NAV2: variants seen among roughly 807,000 people sequenced by gnomAD.
The protein encoded by NAV2 is neuron navigator 2.
A neutral mutation model predicts 223.2 loss-of-function variants in NAV2; 54 were observed. The ratio of observed to expected loss-of-function variants is 0.24; its 90% CI spans 0.19 to 0.30. The LOEUF (loss-of-function observed/expected upper bound fraction) is 0.30. NAV2 is among the 10% of genes least tolerant of loss of function. NAV2 has a pLI of 1.00. For missense variants in NAV2, 2,806 were observed against 3,147.5 expected (o/e 0.89, Z 2.60); for synonymous variants, 1,279 against 1,239.3 (o/e 1.03, Z -0.67).
At chr11:19,445,751 ATTTT>A (rs11312196) in intron 1 of NAV2, among the ~76,000 whole-genome samples, 12 of 134,956 alleles carry the variant, frequency 8.9e-5, no homozygotes, top group African/African-American at 2.8e-4. Flanking sequence ...TGGGCCTCTG[ATTTT>A]TTTTTTTTTT....
intron 1 of NAV2, among the ~76,000 whole-genome samples, chr11:19,535,881 G>A (rs1183307454): frequency 6.6e-5 from 10 of 152,174 alleles, no homozygotes; most frequent in Admixed American, 2.6e-4. Context: ...CCTTCTGGGT[G>A]TAGATCTTTT....
chr11:19,539,485 T>A lies in NAV2; in HGVS notation c.75+188458T>A, dbSNP rs554035689. ...TTATTCTAATTATATTTAATATTAA[T>A]CTTATTTCATTGTAAGAATGTATAC... On this transcript the variant is annotated intron_variant, in intron 1 of 37. Coordinates refer to the NAV2 transcript ENST00000360655. Among the ~76,000 whole-genome samples, 10 of 152,348 alleles carry A rather than the reference T, an allele frequency of 6.6e-5. No homozygotes were observed. In the South Asian group the frequency reaches 2.1e-3, roughly 32 times the overall value.
chr11:19,805,413 G>A (rs1244858662), intron 1 of NAV2, among the ~76,000 whole-genome samples: 1 of 149,574 alleles, frequency 6.7e-6, no homozygotes, highest in Non-Finnish European at 1.5e-5. Context: ...AGAATTTTGA[G>A]ATGGGGGTTT....
At chr11:19,548,230 A>G (rs1303537914) in intron 1 of NAV2, among the ~76,000 whole-genome samples, 1 of 152,248 alleles carries the variant, frequency 6.6e-6, no homozygotes, top group Non-Finnish European at 1.5e-5. Context: ...GGGCATAACA[A>G]TGAAAGCAAA....
At chr11:19,753,131 T>G (rs111895576) in intron 1 of NAV2, among the ~76,000 whole-genome samples, 66 of 152,294 alleles carry the variant, frequency 4.3e-4, no homozygotes, top group African/African-American at 1.5e-3. Flanking sequence ...CCTCCAGAAC[T>G]GAGAAATGAA....
At chr11:19,379,205 G>T (rs1210211775) in intron 1 of NAV2, among the ~76,000 whole-genome samples, 1 of 152,134 alleles carries the variant, frequency 6.6e-6, no homozygotes, top group African/African-American at 2.4e-5. Context: ...TGTGGCTCAG[G>T]GTCAGACAGA....
intron 1 of NAV2, among the ~76,000 whole-genome samples, chr11:19,418,671 GT>G (rs751568935): frequency 1.3e-5 from 2 of 152,162 alleles, no homozygotes; most frequent in Non-Finnish European, 2.9e-5. Flanking sequence ...TTGAGACGGG[GT>G]TGGAAAAAGA....
At chr11:20,100,546 GGTGTGTGTGTGTGTGTGTGT>G (rs59857072) in intron 31 of NAV2, among the ~76,000 whole-genome samples, 11 of 141,764 alleles carry the variant, frequency 7.8e-5, no homozygotes, top group South Asian at 2.3e-4. Flanking sequence ...ATACTAGAGG[GGTGTGTGTGTGTGTGTGTGT>G]GTGTGTGTGT....
At chr11:19,675,691 T>C (rs2048694659) in intron 1 of NAV2, among the ~76,000 whole-genome samples, 2 of 152,172 alleles carry the variant, frequency 1.3e-5, no homozygotes, top group Non-Finnish European at 2.9e-5. Context: ...GTGTGTGAGC[T>C]GTGGAGTGTA....
intron 1 of NAV2, among the ~76,000 whole-genome samples, chr11:19,476,206 C>T (rs1462376603): frequency 3.3e-5 from 5 of 152,196 alleles, no homozygotes; most frequent in African/African-American, 1.2e-4. Context: ...ATCTCTTGAC[C>T]TTGTGATCCA....
chr11:19,776,632 A>ATGTGTG (rs71050685), intron 1 of NAV2, among the ~76,000 whole-genome samples: 10,293 of 64,542 alleles, frequency 0.16, 1,498 homozygotes, highest in Non-Finnish European at 0.2. Context: ...GGGTCAGAAA[A>ATGTGTG]TGTGTGTGTG....
intron 1 of NAV2, among the ~76,000 whole-genome samples, chr11:19,360,461 C>G (rs2133781292): frequency 6.6e-6 from 1 of 152,290 alleles, no homozygotes; most frequent in African/African-American, 2.4e-5. Flanking sequence ...GAAATTTTTG[C>G]TTTTATTGCA....
At chr11:19,352,859 T>C (rs553651923) in intron 1 of NAV2, among the ~76,000 whole-genome samples, 4 of 152,304 alleles carry the variant, frequency 2.6e-5, no homozygotes, top group African/African-American at 9.6e-5. Flanking sequence ...CTTCTAGAAA[T>C]ACCGCCACTG....
In NAV2 at chr11:20,049,144, C is replaced by T. The variant is rs754643019; in HGVS notation, c.4319C>T (p.Ser1440Phe). Reference sequence around the variant, plus strand: ...CTCATCGCCTCCTCCAAGGACGACTCCTTGACTCCCTTTGTCAGAACTAAC... The same window carrying T: ...CTCATCGCCTCCTCCAAGGACGACTTCTTGACTCCCTTTGTCAGAACTAAC... ...TGLIASSKDD[S>F]LTPFVRTNSV... The change falls in exon 15 of 38, where the codon TCC (serine) becomes TTC (phenylalanine). Residue 1440 changes from serine (S) to phenylalanine (F), a missense_variant. Transcript: ENST00000349880. 4 of 1,612,674 alleles carry T rather than the reference C, an allele frequency of 2.5e-6. No homozygotes were observed. In the Admixed American group the frequency reaches 6.7e-5, roughly 27 times the overall value.
chr11:19,616,341 C>T (rs1313229557), intron 1 of NAV2, among the ~76,000 whole-genome samples: 12 of 100,552 alleles, frequency 1.2e-4, no homozygotes, highest in Non-Finnish European at 1.5e-4. Flanking sequence ...TGTGTGCGCG[C>T]GCATGATCTG....
intron 1 of NAV2, among the ~76,000 whole-genome samples, chr11:19,639,908 C>T (rs1473755609): frequency 1.3e-5 from 2 of 152,164 alleles, no homozygotes; most frequent in Admixed American, 1.3e-4. Flanking sequence ...CTATCTAAGG[C>T]CTGGTTGGCA....
At chr11:19,825,110 G>A (rs1590747620) in intron 1 of NAV2, among the ~76,000 whole-genome samples, 1 of 151,706 alleles carries the variant, frequency 6.6e-6, no homozygotes, top group East Asian at 1.9e-4. Flanking sequence ...AGGCCAACAT[G>A]GTGAAACCCC....
In NAV2 at chr11:19,622,534, C is replaced by A. The variant is rs541302302; in HGVS notation, c.76-209950C>A. On this transcript the variant is annotated intron_variant, in intron 1 of 37. Coordinates refer to the NAV2 transcript ENST00000360655. ...AATGGCCTTCCTTGTCTCTTTTGAT[C>A]TTTGTTGGTTTAAAGTCTGTTTTAT... is the stretch of plus-strand genomic sequence containing the variant. 3.3e-5 allele frequency among the ~76,000 whole-genome samples: 5 copies of A among 152,244 alleles called. No homozygotes were observed. In the South Asian group the frequency reaches 1.0e-3, roughly 32 times the overall value.
At chr11:19,828,487 A>G (rs975144488) in intron 1 of NAV2, among the ~76,000 whole-genome samples, 2 of 152,090 alleles carry the variant, frequency 1.3e-5, no homozygotes, top group Admixed American at 6.6e-5. Flanking sequence ...TACGTTTTCA[A>G]GGTTCATTCA....
Sources: gnomAD v4.1 joint callset for allele counts (sites outside exome capture counted in the v4.1 genomes callset) on GRCh38, gnomAD v4.1.1 for gene constraint, MANE v1.5 for transcripts, NCBI Gene and HGNC (gene_info 2026-07-23, HGNC 2026-07-21) for gene names.